OPHN1: variants seen among roughly 807,000 people sequenced by gnomAD.
The protein encoded by OPHN1 is oligophrenin 1, also known as oligophrenin-1.
OPHN1 carries 11 observed loss-of-function variants against 60.7 expected under a neutral mutation model. That is an observed-to-expected ratio of 0.18 (90% CI 0.11 to 0.30). The LOEUF (loss-of-function observed/expected upper bound fraction) is 0.30. OPHN1 is among the 10% of genes least tolerant of loss of function. The pLI, the probability that OPHN1 is intolerant of heterozygous loss-of-function variation, is 1.00. For synonymous variants in OPHN1, 226 were observed against 222.6 expected, an observed-to-expected ratio of 1.02 and a Z score of -0.14; for missense variants, 449 against 611.0, an observed-to-expected ratio of 0.73 and a Z score of 2.80.
chrX:68,334,742 A>T (rs1404353997), intron 2 of OPHN1, among the ~76,000 whole-genome samples: 1 of 110,944 alleles, frequency 9.0e-6, no homozygotes, highest in Admixed American at 9.7e-5. Context: ...TTGGGAGGCC[A>T]AGGTGGAAGG....
Position 68,119,330 on chromosome X carries a change from G to T in OPHN1, c.1279C>A (p.Pro427Thr), listed in dbSNP as rs1466013323. The T allele has an allele frequency of 8.5e-7, 1 of 1,170,855 alleles. No homozygotes were observed. The highest frequency in any genetic ancestry group is 1.2e-6 in the Non-Finnish European group (1 of 859,141). Residue 427 changes from proline (P) to threonine (T), a missense_variant and splice_region_variant, in exon 16 of 25, where the codon CCT (proline) becomes ACT (threonine). By Grantham distance (38) the Pro-to-Thr change is conservative. Transcript: ENST00000355520. ...VQKLLNAFFDPKCPGDVDFHN... is the reference protein window; with the variant it reads ...VQKLLNAFFDTKCPGDVDFHN... The stretch of plus-strand genomic sequence containing the variant: ...AAATCAACATCTCCTGGGCATTTAG[G>T]ATCTATTTGAGAAAAGTAAACAAAA...
chrX:68,241,938 C>T (rs893149117), intron 5 of OPHN1, among the ~76,000 whole-genome samples: 2 of 109,713 alleles, frequency 1.8e-5, no homozygotes, highest in Non-Finnish European at 1.9e-5. Context: ...AGAAAAAACT[C>T]AACAATAAGA....
intron 10 of OPHN1, among the ~76,000 whole-genome samples, chrX:68,203,560 TGA>T (rs893419215): frequency 1.7e-4 from 19 of 111,448 alleles, no homozygotes; most frequent in African/African-American, 5.9e-4. Flanking sequence ...TCTTTCAAAA[TGA>T]GAGTTATGAG....
chrX:68,170,126 C>T (rs1435875414), intron 15 of OPHN1, among the ~76,000 whole-genome samples: 5 of 109,712 alleles, frequency 4.6e-5, no homozygotes, highest in Admixed American at 9.8e-5. Context: ...GCGAAGGACA[C>T]GAACAGACAC....
At chrX:68,346,480 T>C (rs774750721) in intron 2 of OPHN1, among the ~76,000 whole-genome samples, 9 of 112,307 alleles carry the variant, frequency 8.0e-5, no homozygotes, top group Non-Finnish European at 1.7e-4. Flanking sequence ...CAGTCTGTAG[T>C]ATACAACAAT....
intron 15 of OPHN1, among the ~76,000 whole-genome samples, chrX:68,190,190 A>G (rs1602223989): frequency 1.8e-5 from 2 of 111,605 alleles, no homozygotes; most frequent in Non-Finnish European, 3.8e-5. Context: ...ACTTAGAAGG[A>G]AGGTCTCCCC....
chrX:68,246,132 T>G (rs1424419510), intron 5 of OPHN1, among the ~76,000 whole-genome samples: 1 of 111,700 alleles, frequency 9.0e-6, no homozygotes, highest in Non-Finnish European at 1.9e-5. Flanking sequence ...ACACTTGCCA[T>G]TATCCCCTTC....
chrX:68,068,470 C>CAAAAAA (rs61188762), intron 20 of OPHN1, among the ~76,000 whole-genome samples: 2 of 39,771 alleles, frequency 5.0e-5, no homozygotes, highest in Admixed American at 4.1e-4. Flanking sequence ...GACTCCATCT[C>CAAAAAA]AAAAAAAAAA....
intron 4 of OPHN1, among the ~76,000 whole-genome samples, chrX:68,280,854 A>C (rs1169503890): frequency 1.8e-5 from 2 of 111,652 alleles, no homozygotes; most frequent in Non-Finnish European, 3.8e-5. Flanking sequence ...ACTTCATAAA[A>C]ATGAAACACT....
At chrX:68,135,902 A>G (rs187327487) in intron 15 of OPHN1, among the ~76,000 whole-genome samples, 1 of 111,931 alleles carries the variant, frequency 8.9e-6, no homozygotes, top group East Asian at 2.8e-4. Flanking sequence ...ATGTCTTTGG[A>G]ACTGTCTAAT....
chrX:68,241,035 T>C (rs1326004489), intron 5 of OPHN1, among the ~76,000 whole-genome samples: 5 of 111,999 alleles, frequency 4.5e-5, no homozygotes, highest in Non-Finnish European at 9.4e-5. Context: ...ATTTTTAATT[T>C]TATTTTCTTA....
At chrX:68,198,555 G>A (rs1296128668) in intron 11 of OPHN1, among the ~76,000 whole-genome samples, 2 of 111,617 alleles carry the variant, frequency 1.8e-5, no homozygotes, top group Non-Finnish European at 3.8e-5. Context: ...TGACTCATCT[G>A]GAATTTTGAG....
chrX:68,132,791 C>T (rs1009429835), intron 15 of OPHN1: 2 of 174,787 alleles, frequency 1.1e-5, no homozygotes, highest in Non-Finnish European at 2.1e-5. Context: ...GCTTGGCTGG[C>T]GAGCCCCACT....
intron 2 of OPHN1, among the ~76,000 whole-genome samples, chrX:68,313,986 C>G (rs2078186061): frequency 5.5e-5 from 6 of 110,055 alleles, no homozygotes; most frequent in Admixed American, 4.9e-4. Flanking sequence ...ATTATGTACC[C>G]ACAAAAATTA....
Position 68,064,126 on chromosome X carries a change from G to T in OPHN1, c.1886C>A (p.Pro629His), listed in dbSNP as rs1402310920. Residue 629 changes from proline (P) to histidine (H), a missense_variant, in exon 21 of 25, where the codon CCC becomes CAC. By Grantham distance (77) the Pro-to-His change is moderately conservative. Around this residue, in one of 4 missense-constraint regions of OPHN1, gnomAD observed 184 missense variants for 160.5 expected, o/e 1.15. Coordinates refer to ENST00000355520, the MANE Select transcript of OPHN1 (RefSeq NM_002547.3). Reference protein sequence around the residue: ...PNGTITSSIEPPKPPQHPKLP... With the variant: ...PNGTITSSIEHPKPPQHPKLP... ...TTTGGGGTGTTGTGGTGGCTTGGGGGGTTCTATGCTGCTGGTGATAGTACC... is the reference window on the plus strand; with the variant it reads ...TTTGGGGTGTTGTGGTGGCTTGGGGTGTTCTATGCTGCTGGTGATAGTACC... 1 of 1,207,916 alleles carries T rather than the reference G, an allele frequency of 8.3e-7. No homozygotes were observed. Among genetic ancestry groups the T allele is most frequent in the African/African-American group, 1.8e-5 (1 of 56,825 alleles).
At chrX:68,140,336 G>T (rs2077236957) in intron 15 of OPHN1, among the ~76,000 whole-genome samples, 1 of 111,923 alleles carries the variant, frequency 8.9e-6, no homozygotes, top group Non-Finnish European at 1.9e-5. Context: ...TAATGCTAAT[G>T]GTTAACACTA....
intron 3 of OPHN1, among the ~76,000 whole-genome samples, chrX:68,287,466 A>G (rs978264078): frequency 2.0e-5 from 2 of 101,677 alleles, no homozygotes; most frequent in African/African-American, 7.7e-5. Flanking sequence ...TTCTGTCTCA[A>G]AAAAAAAAAA....
chrX:68,312,701 CAAT>C (rs2078179639), intron 2 of OPHN1, among the ~76,000 whole-genome samples: 1 of 110,731 alleles, frequency 9.0e-6, no homozygotes, highest in African/African-American at 3.3e-5. Context: ...AATAGAAAAA[CAAT>C]AAGGAAAATC....
chrX:68,061,964 G>A (rs2076894809), intron 21 of OPHN1, among the ~76,000 whole-genome samples: 1 of 111,791 alleles, frequency 8.9e-6, no homozygotes, highest in Non-Finnish European at 1.9e-5. Flanking sequence ...TTTTTCCCTG[G>A]CCTCAAAACC....
Sources: gnomAD v4.1 joint callset for allele counts (sites outside exome capture counted in the v4.1 genomes callset) on GRCh38, gnomAD v4.1.1 for gene constraint, gnomAD v4.1.1 regional missense constraint, MANE v1.5 for transcripts, NCBI Gene and HGNC (gene_info 2026-07-23, HGNC 2026-07-21) for gene names.